The following CCDC192 variants were observed in gnomAD, a reference collection of about 807,000 sequenced individuals.
CCDC192 encodes the protein coiled-coil domain containing 192.
intron 6 of CCDC192, among the ~76,000 whole-genome samples, chr5:127,883,569 T>C (rs1031471256): frequency 5.9e-5 from 9 of 152,254 alleles, no homozygotes; most frequent in African/African-American, 2.2e-4. Flanking sequence ...ATAGAGCCAC[T>C]ATATCCCTAA....
At chr5:127,797,585 G>A (rs1382444214) in intron 4 of CCDC192, among the ~76,000 whole-genome samples, 1 of 151,030 alleles carries the variant, frequency 6.6e-6, no homozygotes, top group Non-Finnish European at 1.5e-5. Flanking sequence ...ATAACATTTG[G>A]CATATGTTTT....
intron 3 of CCDC192, among the ~76,000 whole-genome samples, chr5:127,764,312 T>C (rs2126895186): frequency 6.6e-6 from 1 of 152,292 alleles, no homozygotes; most frequent in African/African-American, 2.4e-5. Flanking sequence ...GATAAAGGCC[T>C]AAATTATTGG....
intron 6 of CCDC192, among the ~76,000 whole-genome samples, chr5:127,936,399 C>T (rs1754186956): frequency 6.6e-6 from 1 of 152,170 alleles, no homozygotes; most frequent in South Asian, 2.1e-4. Flanking sequence ...TTTGGTCTTT[C>T]AAGGCTGACA....
intron 3 of CCDC192, among the ~76,000 whole-genome samples, chr5:127,765,056 G>A (rs542421543): frequency 6.6e-6 from 1 of 152,320 alleles, no homozygotes; most frequent in Admixed American, 6.5e-5. Context: ...GTGACATGCA[G>A]TGGTCTAGTA....
intron 5 of CCDC192, among the ~76,000 whole-genome samples, chr5:127,825,479 C>T (rs1369776906): frequency 6.6e-6 from 1 of 152,194 alleles, no homozygotes; most frequent in Admixed American, 6.5e-5. Flanking sequence ...CCACTCTGCT[C>T]CATCAGGAAT....
intron 3 of CCDC192, chr5:127,785,276 G>C: frequency 2.0e-6 from 1 of 497,910 alleles, no homozygotes; most frequent in South Asian, 1.6e-5. Flanking sequence ...AACCCTAGGG[G>C]AAGGCAAACA....
At chr5:127,809,167 ATATT>A (rs1757948105) in intron 5 of CCDC192, among the ~76,000 whole-genome samples, 2 of 152,108 alleles carry the variant, frequency 1.3e-5, no homozygotes, top group African/African-American at 2.4e-5. Context: ...TAATTTAACC[ATATT>A]TATTTATTTA....
At chr5:127,836,577 A>G (rs1429976291) in intron 5 of CCDC192, among the ~76,000 whole-genome samples, 1 of 152,116 alleles carries the variant, frequency 6.6e-6, no homozygotes, top group African/African-American at 2.4e-5. Flanking sequence ...AGGCATTTTC[A>G]TACCTCCTCT....
rs1561480224 is a variant in CCDC192, at chr5:127,773,203, T to C, written c.222+18828T>C. Among the ~76,000 whole-genome samples, 7 of 152,250 alleles carry C rather than the reference T, an allele frequency of 4.6e-5. No individual in the cohort carries two copies. The East Asian group carries it at 1.3e-3, about 29-fold the overall frequency. On this transcript the variant is annotated intron_variant, in intron 3 of 6. Transcript: ENST00000514853. The stretch of plus-strand genomic sequence containing the variant: ...TCCAATTTTGTGATGTTTTTTCTGG[T>C]AACATTCAATGAGTGGATGTAATGC...
chr5:127,870,148 A>G (rs1477411002), intron 5 of CCDC192, among the ~76,000 whole-genome samples: 1 of 152,244 alleles, frequency 6.6e-6, no homozygotes, highest in Non-Finnish European at 1.5e-5. Flanking sequence ...TAGATGACTC[A>G]ACAGAATGGT....
intron 3 of CCDC192, chr5:127,785,824 G>T: frequency 6.1e-6 from 2 of 328,664 alleles, no homozygotes; most frequent in South Asian, 7.2e-5. Context: ...AGGCCATCTT[G>T]GTAACCGCAT....
chr5:127,833,928 C>CT lies in CCDC192; in HGVS notation c.411+35768dup, dbSNP rs199695279. Among the ~76,000 whole-genome samples, 472 of 152,166 alleles carry CT rather than the reference C, an allele frequency of 3.1e-3. 1 individual carries two copies. Among genetic ancestry groups the CT allele is most frequent in the African/African-American group, 0.011 (453 of 41,530 alleles). On this transcript the variant is annotated intron_variant, in intron 5 of 6. Transcript: ENST00000514853. Reference sequence around the variant, plus strand: ...CAATTAAGTGACAATTAGAGATCAGCTTAAGAAAATGGAAATCATAATGAT... The same window carrying CT: ...CAATTAAGTGACAATTAGAGATCAGCTTTAAGAAAATGGAAATCATAATGAT...
intron 5 of CCDC192, among the ~76,000 whole-genome samples, chr5:127,823,858 T>A (rs1749408025): frequency 6.6e-6 from 1 of 152,208 alleles, no homozygotes; most frequent in African/African-American, 2.4e-5. Context: ...CACAAAAGAA[T>A]CATTATTAAT....
chr5:127,925,880 T>C (rs545985508), intron 6 of CCDC192, among the ~76,000 whole-genome samples: 1 of 152,190 alleles, frequency 6.6e-6, no homozygotes, highest in East Asian at 1.9e-4. Context: ...ACAAAGCCCA[T>C]TTGTATTATC....
intron 5 of CCDC192, among the ~76,000 whole-genome samples, chr5:127,821,608 C>T (rs1241767356): frequency 1.3e-5 from 2 of 152,184 alleles, no homozygotes; most frequent in Non-Finnish European, 2.9e-5. Context: ...AGAGTTTGCC[C>T]AGGCATCCTG....
At chr5:127,784,592 C>G in intron 3 of CCDC192, 1 of 555,750 alleles carries the variant, frequency 1.8e-6, no homozygotes, top group South Asian at 1.6e-5. Context: ...GTGGGACACA[C>G]AGTCAGACCC....
At chr5:127,871,957 T>C (rs1489461590) in intron 5 of CCDC192, among the ~76,000 whole-genome samples, 1 of 152,210 alleles carries the variant, frequency 6.6e-6, no homozygotes, top group Non-Finnish European at 1.5e-5. Flanking sequence ...GAGACCATAA[T>C]AGACTGCATT....
chr5:127,736,903 G>T (rs1395701784), intron 2 of CCDC192, among the ~76,000 whole-genome samples: 2 of 131,688 alleles, frequency 1.5e-5, no homozygotes, highest in African/African-American at 5.3e-5. Flanking sequence ...TTAATTTTTT[G>T]AAGGGTTTTT....
Position 127,799,211 on chromosome 5 carries a change from G to A in CCDC192, c.411+1049G>A, listed in dbSNP as rs570294348. 1.8e-3 allele frequency among the ~76,000 whole-genome samples: 269 copies of A among 152,274 alleles called. 3 individuals are homozygous for A. Among genetic ancestry groups the A allele is most frequent in the Middle Eastern group, 0.014 (4 of 294 alleles). On this transcript the variant is annotated intron_variant, in intron 5 of 6. Coordinates refer to ENST00000514853, the MANE Select transcript of CCDC192 (RefSeq NM_001317938.2). The stretch of plus-strand genomic sequence containing the variant: ...AGACTGCAAGATAATACATTCTGGT[G>A]ACCATTCCTTTGGGGTTTGGAATGA...
Sources: allele counts gnomAD v4.1 joint callset (sites outside exome capture counted in the v4.1 genomes callset), GRCh38; gene constraint gnomAD v4.1.1; transcripts MANE v1.5; gene names NCBI Gene and HGNC (gene_info 2026-07-23, HGNC 2026-07-21).